Variants in CAST observed in about 807,000 individuals in gnomAD.
The protein encoded by CAST is MIR583 host.
In CAST, 76 loss-of-function variants were observed where a neutral mutation model predicts 119.6. That is an observed-to-expected ratio of 0.64 (90% CI 0.53 to 0.77). CAST has a LOEUF of 0.77. Among genes scored for constraint, CAST ranks in the 30% least tolerant of loss-of-function variants. CAST has a pLI of 0.00. For synonymous variants in CAST, 319 were observed against 331.6 expected (o/e 0.96, Z 0.41); for missense variants, 953 against 946.5 (o/e 1.01, Z -0.09).
chr5:96,632,969 GTTTGT>G (rs1262762998), intron 1 of CAST, among the ~76,000 whole-genome samples: 1 of 151,944 alleles, frequency 6.6e-6, no homozygotes, highest in Non-Finnish European at 1.5e-5. Context: ...AAAGTTTTTG[GTTTGT>G]TTTGTTCTGT....
chr5:95,999,130 T>C, the CAST span, among the ~76,000 whole-genome samples: 1 of 152,160 alleles, frequency 6.6e-6, no homozygotes, highest in Non-Finnish European at 1.5e-5. Flanking sequence ...TGCCTATTTA[T>C]AGTTATTCTC....
the CAST span, among the ~76,000 whole-genome samples, chr5:96,327,092 G>A: frequency 6.6e-6 from 1 of 152,288 alleles, no homozygotes; most frequent in South Asian, 2.1e-4. Flanking sequence ...TTTAATTTCA[G>A]TTCTGTTTCT....
chr5:96,041,858 C>T, the CAST span, among the ~76,000 whole-genome samples: 1 of 152,168 alleles, frequency 6.6e-6, no homozygotes, highest in Admixed American at 6.5e-5. Context: ...TTCTACCCCT[C>T]CTCCCAGTTG....
chr5:96,600,910 A>G (rs1253220724), intron 1 of CAST, among the ~76,000 whole-genome samples: 2 of 152,112 alleles, frequency 1.3e-5, no homozygotes, highest in Non-Finnish European at 2.9e-5. Context: ...ACCAATGAAA[A>G]CATCTCAAAA....
chr5:96,177,790 T>G, the CAST span, among the ~76,000 whole-genome samples: 1 of 152,192 alleles, frequency 6.6e-6, no homozygotes, highest in Non-Finnish European at 1.5e-5. Context: ...CATCAATTTC[T>G]CCTTAGCAAG....
the CAST span, among the ~76,000 whole-genome samples, chr5:96,003,980 G>T: frequency 2.6e-5 from 4 of 152,118 alleles, no homozygotes; most frequent in African/African-American, 7.2e-5. Context: ...GACAGCTCCC[G>T]CTTTTAAAAT....
At chr5:96,632,370 A>T (rs908776660) in intron 1 of CAST, among the ~76,000 whole-genome samples, 1 of 150,516 alleles carries the variant, frequency 6.6e-6, no homozygotes, top group Non-Finnish European at 1.5e-5. Context: ...CCCAATTTTT[A>T]TATATAAAAA....
At chr5:95,999,599 C>A in the CAST span, among the ~76,000 whole-genome samples, 1 of 152,164 alleles carries the variant, frequency 6.6e-6, no homozygotes, top group African/African-American at 2.4e-5. Flanking sequence ...CTGTCTTGGT[C>A]TCCCAAAGTG....
chr5:96,746,737 A>C (rs544060354), intron 17 of CAST, among the ~76,000 whole-genome samples: 8 of 152,342 alleles, frequency 5.3e-5, no homozygotes, highest in African/African-American at 1.9e-4. Flanking sequence ...TTTCTTTTCT[A>C]ACTGCTATAT....
At chr5:96,347,112 T>G in the CAST span, among the ~76,000 whole-genome samples, 1 of 152,108 alleles carries the variant, frequency 6.6e-6, no homozygotes, top group Non-Finnish European at 1.5e-5. Flanking sequence ...AGCCTCCATT[T>G]GAATATCCGT....
intron 1 of CAST, among the ~76,000 whole-genome samples, chr5:96,586,164 A>T (rs1251233732): frequency 6.6e-6 from 1 of 152,222 alleles, no homozygotes; most frequent in Admixed American, 6.5e-5. Context: ...GGCTCTATGA[A>T]GTTAATTATC....
the CAST span, among the ~76,000 whole-genome samples, chr5:96,189,819 G>T: frequency 6.6e-6 from 1 of 151,694 alleles, no homozygotes. Flanking sequence ...TCATGTTTTT[G>T]TTTTTAACAT....
At chr5:96,441,879 C>A in the CAST span, among the ~76,000 whole-genome samples, 1 of 152,198 alleles carries the variant, frequency 6.6e-6, no homozygotes, top group African/African-American at 2.4e-5. Flanking sequence ...ACAATGACTT[C>A]ATTTCCATTT....
At chr5:96,664,691 G>T (rs1456934419) in intron 1 of CAST, among the ~76,000 whole-genome samples, 1 of 152,144 alleles carries the variant, frequency 6.6e-6, no homozygotes, top group East Asian at 1.9e-4. Context: ...CATAAGTATT[G>T]GTGAGGACTA....
At chr5:96,520,428 G>A (rs1289110844), upstream of CAST, among the ~76,000 whole-genome samples, 1 of 152,212 alleles carries the variant, frequency 6.6e-6, no homozygotes, top group Non-Finnish European at 1.5e-5. Context: ...ATGCCCCACA[G>A]GGGCCTCAAC....
Position 96,765,307 on chromosome 5 carries a change from A to G in CAST, c.2019A>G (p.Pro673=), listed in dbSNP as rs751463083. 3 of 1,413,728 alleles carry G rather than the reference A, an allele frequency of 2.1e-6. No individual in the cohort carries two copies. The highest frequency in any genetic ancestry group is 2.0e-6 in the Non-Finnish European group (2 of 1,015,252). The allele number at this position is 1,413,728 out of a possible 1,614,324, so 87.6% of individuals were successfully genotyped here. The stretch of plus-strand genomic sequence containing the variant: ...AGCCTGACCCAGATGAGAACAAACC[A>G]ATGGAAGATAAAGTAAAGGTAAAAA... ...QRQPDPDENK[P]MEDKVKEKAK... The change falls in exon 26 of 32, where the codon CCA becomes CCG. Residue 673 remains proline, a synonymous_variant. Transcript: ENST00000675179.
the CAST span, among the ~76,000 whole-genome samples, chr5:96,156,007 C>T: frequency 3.9e-5 from 6 of 152,286 alleles, no homozygotes; most frequent in Admixed American, 6.5e-5. Context: ...CCAACCTTCT[C>T]GAAGCCTTTT....
chr5:96,234,026 G>T, the CAST span, among the ~76,000 whole-genome samples: 308 of 152,248 alleles, frequency 2.0e-3, no homozygotes, highest in African/African-American at 6.9e-3. Context: ...TTTGGTTAGA[G>T]CATTTGATTT....
In CAST at chr5:96,754,133, A is replaced by G; in HGVS notation, c.1598A>G (p.Asp533Gly). ...SLGKKEADPE[D>G]GKPVMDKVKE... ...GGGAAAAAGGAAGCAGATCCAGAAGATGGAAAACCTGTGATGGATAAAGTC... is the reference window on the plus strand; with the variant it reads ...GGGAAAAAGGAAGCAGATCCAGAAGGTGGAAAACCTGTGATGGATAAAGTC... The change falls in exon 21 of 32, where the codon GAT becomes GGT. Residue 533 changes from aspartate to glycine, a missense_variant. Physicochemically the swap from Asp to Gly is moderately conservative, Grantham distance 94 (BLOSUM62 -1). Coordinates refer to ENST00000675179, the MANE Select transcript of CAST (RefSeq NM_001750.7). 6.2e-7 allele frequency: 1 copy of G among 1,612,660 alleles called. No individual in the cohort carries two copies. The highest frequency in any genetic ancestry group is 1.7e-5 in the Admixed American group (1 of 60,012).
Sources: gnomAD v4.1 joint callset for allele counts (sites outside exome capture counted in the v4.1 genomes callset) on GRCh38, gnomAD v4.1.1 for gene constraint, MANE v1.5 for transcripts, NCBI Gene and HGNC (gene_info 2026-07-23, HGNC 2026-07-21) for gene names.